Variants in PLCH2 observed in about 807,000 individuals in gnomAD.
The protein encoded by PLCH2 is phospholipase C eta 2, also known as 1-phosphatidylinositol 4,5-bisphosphate phosphodiesterase eta-2.
A neutral mutation model predicts 134.7 loss-of-function variants in PLCH2; 98 were observed. The ratio of observed to expected loss-of-function variants is 0.73; its 90% CI spans 0.62 to 0.86. The LOEUF is 0.86. Ranked by LOEUF, PLCH2 falls within the 40% of genes least tolerant of loss-of-function variation. The pLI is 0.00. For synonymous variants in PLCH2, 974 were observed against 827.5 expected, an observed-to-expected ratio of 1.18 and a Z score of -3.04; for missense variants, 1,994 against 1,986.6, an observed-to-expected ratio of 1.00 and a Z score of -0.07.
chr1:2,473,668 C>T (rs1425426402), upstream of PLCH2, among the ~76,000 whole-genome samples: 2 of 152,210 alleles, frequency 1.3e-5, no homozygotes, highest in African/African-American at 4.8e-5. Context: ...ATCATGGCCT[C>T]ACAGGGACAG....
chr1:2,456,036 A>G (rs1640474895), intron 2 of PLCH2, among the ~76,000 whole-genome samples: 1 of 152,238 alleles, frequency 6.6e-6, no homozygotes, highest in Non-Finnish European at 1.5e-5. Flanking sequence ...TGGGCTTGGC[A>G]ATATTGCAAT....
At chr1:2,497,439 T>TGGGGTGGGGTGGGGGGG in intron 15 of PLCH2, 63 bp from the exon 16 acceptor site, 1 of 955,130 alleles carries the variant, frequency 1.0e-6, no homozygotes, top group East Asian at 4.4e-5. Flanking sequence ...TGGTGGTGGG[T>TGGGGTGGGGTGGGGGGG]GGGCGGGGCA....
At chr1:2,496,395 C>CT (rs1642884713) in intron 13 of PLCH2, among the ~76,000 whole-genome samples, 1 of 152,242 alleles carries the variant, frequency 6.6e-6, no homozygotes, top group African/African-American at 2.4e-5. Flanking sequence ...TGCCTAGGGA[C>CT]TTTGCACCTG....
chr1:2,437,926 C>T (rs1639509734), intron 2 of PLCH2, among the ~76,000 whole-genome samples: 1 of 152,252 alleles, frequency 6.6e-6, no homozygotes, highest in South Asian at 2.1e-4. Flanking sequence ...ACCGCCTCCT[C>T]TTTGGCCTCG....
chr1:2,461,623 G>A (rs1249113255), intron 2 of PLCH2, among the ~76,000 whole-genome samples: 1 of 152,166 alleles, frequency 6.6e-6, no homozygotes, highest in Non-Finnish European at 1.5e-5. Flanking sequence ...GGAACACTGT[G>A]GGGACAGTGA....
intron 2 of PLCH2, among the ~76,000 whole-genome samples, chr1:2,456,422 G>A (rs531213312): frequency 1.6e-4 from 24 of 152,246 alleles, no homozygotes; most frequent in African/African-American, 5.8e-4. Flanking sequence ...TCTGGGGCTC[G>A]TCAAAAAGAC....
chr1:2,435,197 C>A (rs1223841894), intron 2 of PLCH2, among the ~76,000 whole-genome samples: 1 of 152,126 alleles, frequency 6.6e-6, no homozygotes, highest in East Asian at 1.9e-4. Context: ...GAAGATGGTC[C>A]CGGGGGTGAG....
Position 2,495,540 on chromosome 1 carries a change from G to A in PLCH2, c.1805G>A (p.Gly602Asp). 6.4e-7 allele frequency: 1 copy of A among 1,551,480 alleles called. No individual in the cohort carries two copies. Among genetic ancestry groups the A allele is most frequent in the East Asian group, 2.4e-5 (1 of 40,982 alleles). ...KAASVEEGDE[G>D]QDSPGGQSRG... ...GCCAGCGTGGAGGAGGGAGATGAGG[G>A]TCAGGACTCCCCGGGAGGCCAGAGC... The change falls in exon 13 of 22, where the codon GGT becomes GAT. Residue 602 changes from glycine to aspartate, a missense_variant. Physicochemically the swap from Gly to Asp is moderately conservative, Grantham distance 94. Around this residue, in one of 2 missense-constraint regions of PLCH2, gnomAD observed 1,094 missense variants for 1,234.3 expected, o/e 0.89. Coordinates refer to ENST00000378486, the MANE Select transcript of PLCH2 (RefSeq NM_014638.4).
chr1:2,454,756 C>T (rs989088794), intron 2 of PLCH2, among the ~76,000 whole-genome samples: 1 of 152,182 alleles, frequency 6.6e-6, no homozygotes, highest in Admixed American at 6.5e-5. Flanking sequence ...CTCGGCCCCT[C>T]GGTGTCCTGG....
At chr1:2,475,091 C>T (rs1641544014), upstream of PLCH2, among the ~76,000 whole-genome samples, 1 of 152,180 alleles carries the variant, frequency 6.6e-6, no homozygotes, top group African/African-American at 2.4e-5. Flanking sequence ...TGGCTCTGTG[C>T]TGACTGCATC....
At chr1:2,503,798 GACCCTCGGCACA>G in intron 21 of PLCH2, 112 bp from the exon 22 acceptor site, 1 of 613,428 alleles carries the variant, frequency 1.6e-6, no homozygotes. Flanking sequence ...TGGGCCTGGC[GACCCTCGGCACA>G]GGGCACCGGG....
intron 1 of PLCH2, among the ~76,000 whole-genome samples, chr1:2,470,448 C>T (rs1641270231): frequency 6.6e-6 from 1 of 152,212 alleles, no homozygotes; most frequent in Non-Finnish European, 1.5e-5. Flanking sequence ...GCTCAGAGGG[C>T]CAGCTCCATC....
At chr1:2,490,391 C>T (rs76409472) in intron 10 of PLCH2, among the ~76,000 whole-genome samples, 81 of 152,312 alleles carry the variant, frequency 5.3e-4, no homozygotes, top group African/African-American at 1.7e-3. Context: ...CCAGCAGTCA[C>T]CTCCACAGAG....
chr1:2,427,224 G>T (rs1207243764), intron 1 of PLCH2, among the ~76,000 whole-genome samples: 1 of 151,758 alleles, frequency 6.6e-6, no homozygotes, highest in Non-Finnish European at 1.5e-5. Context: ...GCGTTGAGGA[G>T]CTGGGCAGTG....
chr1:2,496,608 G>A lies in PLCH2; in HGVS notation c.1837G>A (p.Ala613Thr). 6.2e-7 allele frequency: 1 copy of A among 1,609,648 alleles called. No homozygotes were observed. The highest frequency in any genetic ancestry group is 8.5e-7 in the Non-Finnish European group (1 of 1,178,516). ...TCTGACCCCCTGCACCTGCCACAGGGCGACCCGGCAGAAGAAGACCATGAA... is the reference window on the plus strand; with the variant it reads ...TCTGACCCCCTGCACCTGCCACAGGACGACCCGGCAGAAGAAGACCATGAA... ...QDSPGGQSRG[A>T]TRQKKTMKLS... The change falls in exon 14 of 22, where the codon GCG becomes ACG. Residue 613 changes from alanine to threonine, a missense_variant and splice_region_variant. By Grantham distance (58) the Ala-to-Thr change is moderately conservative (BLOSUM62 0). Transcript: ENST00000378486.
chr1:2,464,863 C>T (rs535408443), upstream of PLCH2, among the ~76,000 whole-genome samples: 1 of 152,320 alleles, frequency 6.6e-6, no homozygotes, highest in African/African-American at 2.4e-5. Flanking sequence ...TTCAGGTGGC[C>T]TCGGGCTCAC....
In PLCH2 at chr1:2,504,732, T is replaced by C. The variant is rs760466840; in HGVS notation, c.3770T>C (p.Leu1257Pro). 6.2e-7 allele frequency: 1 copy of C among 1,612,414 alleles called. No individual in the cohort carries two copies. The highest frequency in any genetic ancestry group is 2.2e-5 in the East Asian group (1 of 44,866). The change falls in exon 22 of 22, where the codon CTG (leucine) becomes CCG (proline). Residue 1257 changes from leucine (L) to proline (P), a missense_variant. Physicochemically the swap from Leu to Pro is moderately conservative, Grantham distance 98. Around this residue, in one of 2 missense-constraint regions of PLCH2, gnomAD observed 900 missense variants for 752.3 expected, o/e 1.20. Transcript: ENST00000378486. ...DCPVAAKSKS[L>P]GDLTADDFAP... Reference sequence around the variant, plus strand: ...CCCGTGGCTGCCAAGTCCAAGAGCCTGGGCGACCTCACTGCTGATGACTTT... The same window carrying C: ...CCCGTGGCTGCCAAGTCCAAGAGCCCGGGCGACCTCACTGCTGATGACTTT...
At chr1:2,457,157 G>C (rs991426585) in intron 2 of PLCH2, among the ~76,000 whole-genome samples, 1 of 152,216 alleles carries the variant, frequency 6.6e-6, no homozygotes, top group East Asian at 1.9e-4. Context: ...GGGGCTGGGG[G>C]GTACCCAGGG....
chr1:2,424,957 T>G (rs542048306), upstream of PLCH2, among the ~76,000 whole-genome samples: 17 of 150,154 alleles, frequency 1.1e-4, no homozygotes, highest in African/African-American at 4.2e-4. Context: ...CTGCACTCCA[T>G]CCTGGGCAAC....
Sources: gnomAD v4.1 joint callset for allele counts (sites outside exome capture counted in the v4.1 genomes callset) on GRCh38, gnomAD v4.1.1 for gene constraint, gnomAD v4.1.1 regional missense constraint, MANE v1.5 for transcripts, NCBI Gene and HGNC (gene_info 2026-07-23, HGNC 2026-07-21) for gene names.